TBC1D8: variants seen among roughly 807,000 people sequenced by gnomAD.
The protein encoded by TBC1D8 is BUB2-like protein 1.
A neutral mutation model predicts 118.8 loss-of-function variants in TBC1D8; 65 were observed. That is an observed-to-expected ratio of 0.55 (90% CI 0.45 to 0.67). The LOEUF (loss-of-function observed/expected upper bound fraction) is 0.67. Ranked by LOEUF, TBC1D8 falls within the 30% of genes least tolerant of loss-of-function variation. The pLI is 0.00. For synonymous variants in TBC1D8, 566 were observed against 595.8 expected (o/e 0.95, Z 0.73); for missense variants, 1,376 against 1,471.2 (o/e 0.94, Z 1.06).
At position 101,096,419 on chromosome 2, in the gene TBC1D8, C is replaced by CAAAAAAAAA. The variant is rs55824667; in HGVS notation, c.128-6064_128-6056dup. On this transcript the variant is annotated intron_variant, in intron 1 of 19. Transcript: ENST00000409318. ...CCAAAATATTATGTCTGGCTTTTGA[C>CAAAAAAAAA]AAAAAAAAAAAAAAAAAAAAAAAAA... Among the ~76,000 whole-genome samples, 5 of 43,730 alleles carry CAAAAAAAAA rather than the reference C, an allele frequency of 1.1e-4. 1 individual carries two copies. Among genetic ancestry groups the CAAAAAAAAA allele is most frequent in the Non-Finnish European group, 1.7e-4 (4 of 23,806 alleles). The allele number at this position is 43,730 out of a possible 152,430, so 28.7% of individuals were successfully genotyped here.
At chr2:101,149,109 CAA>C (rs1336851953) in intron 1 of TBC1D8, among the ~76,000 whole-genome samples, 1 of 152,204 alleles carries the variant, frequency 6.6e-6, no homozygotes, top group African/African-American at 2.4e-5. Context: ...AGAAATACAT[CAA>C]GTGTCCTCTT....
intron 1 of TBC1D8, among the ~76,000 whole-genome samples, chr2:101,104,328 C>A (rs1003740860): frequency 2.0e-5 from 3 of 152,142 alleles, no homozygotes; most frequent in Non-Finnish European, 4.4e-5. Flanking sequence ...CAATAAAAAT[C>A]CCACACACTA....
intron 2 of TBC1D8, among the ~76,000 whole-genome samples, chr2:101,060,818 T>C (rs550179489): frequency 2.0e-5 from 3 of 152,226 alleles, no homozygotes; most frequent in African/African-American, 7.2e-5. Flanking sequence ...TCAAAGAAAT[T>C]AGACAACAAC....
intron 1 of TBC1D8, among the ~76,000 whole-genome samples, chr2:101,133,284 T>A (rs1481171463): frequency 6.6e-6 from 1 of 152,096 alleles, no homozygotes; most frequent in Admixed American, 6.5e-5. Flanking sequence ...TCACATAGCA[T>A]ATTAGAATGA....
At chr2:101,014,385 T>TA (rs1679458887) in intron 17 of TBC1D8, among the ~76,000 whole-genome samples, 1 of 152,226 alleles carries the variant, frequency 6.6e-6, no homozygotes, top group Admixed American at 6.5e-5. Flanking sequence ...GCTTAACTGT[T>TA]AAACTGGAGC....
At chr2:101,122,087 T>G (rs1486473259) in intron 1 of TBC1D8, among the ~76,000 whole-genome samples, 1 of 150,024 alleles carries the variant, frequency 6.7e-6, no homozygotes, top group Non-Finnish European at 1.5e-5. Context: ...TTTTTTTTTT[T>G]TCTGAGATGG....
intron 1 of TBC1D8, 86 bp from the exon 2 acceptor site, chr2:101,090,450 G>T: frequency 7.0e-7 from 1 of 1,436,888 alleles, no homozygotes; most frequent in Non-Finnish European, 9.6e-7. Flanking sequence ...TCGCTGTCTG[G>T]ACTCCATGCT....
chr2:101,049,067 G>A (rs1046422920), intron 5 of TBC1D8, among the ~76,000 whole-genome samples: 7 of 152,050 alleles, frequency 4.6e-5, no homozygotes, highest in Admixed American at 1.3e-4. Flanking sequence ...CTGCAAACAC[G>A]GGCATACAAA....
chr2:101,054,672 C>CTTTTTTTT (rs34465252), intron 3 of TBC1D8, among the ~76,000 whole-genome samples: 11 of 25,430 alleles, frequency 4.3e-4, no homozygotes, highest in East Asian at 3.1e-3. Context: ...CTTTTCTTTT[C>CTTTTTTTT]TTTTTTTTTT....
At chr2:101,020,233 T>C (rs998481604) in intron 17 of TBC1D8, among the ~76,000 whole-genome samples, 1 of 152,192 alleles carries the variant, frequency 6.6e-6, no homozygotes, top group Non-Finnish European at 1.5e-5. Context: ...AAATAATGTT[T>C]GTTTTAAAAC....
intron 15 of TBC1D8, among the ~76,000 whole-genome samples, chr2:101,022,836 T>G (rs1001760370): frequency 2.6e-5 from 4 of 152,204 alleles, no homozygotes; most frequent in African/African-American, 9.6e-5. Context: ...TATTCTGATA[T>G]TTTCACTTAA....
chr2:101,037,610 C>A lies in TBC1D8; in HGVS notation c.1374G>T (p.Glu458Asp), dbSNP rs767840415. 1 of 1,613,770 alleles carries A rather than the reference C, an allele frequency of 6.2e-7. No individual in the cohort carries two copies. The highest frequency in any genetic ancestry group is 8.5e-7 in the Non-Finnish European group (1 of 1,179,904). The change falls in exon 8 of 20, where the codon GAG becomes GAT. Residue 458 changes from glutamate to aspartate, a missense_variant. Transcript: ENST00000409318. ...SSQNSEESEK[E>D]KSPLMHPDAL... is the part of the protein sequence containing the mutation. ...CATCGGGGTGCATCAGCGGGCTCTT[C>A]TCTTTCTCACTCTCCTCGCTATTTT...
intron 1 of TBC1D8, among the ~76,000 whole-genome samples, chr2:101,099,651 A>G (rs1250251433): frequency 2.6e-5 from 4 of 152,210 alleles, no homozygotes; most frequent in Non-Finnish European, 5.9e-5. Context: ...CACAGCAAAA[A>G]ACATATCCAC....
intron 8 of TBC1D8, among the ~76,000 whole-genome samples, chr2:101,036,445 A>T (rs1424178706): frequency 6.6e-6 from 1 of 151,914 alleles, no homozygotes; most frequent in African/African-American, 2.4e-5. Flanking sequence ...AGCAAGGCTG[A>T]TAACAAGGGT....
chr2:101,083,032 G>A (rs991968994), intron 2 of TBC1D8, among the ~76,000 whole-genome samples: 26 of 152,268 alleles, frequency 1.7e-4, no homozygotes, highest in Non-Finnish European at 3.5e-4. Flanking sequence ...GTGGTGAGCA[G>A]GTCCATGCCT....
At chr2:101,009,121 C>T (rs1199625324) in intron 19 of TBC1D8, among the ~76,000 whole-genome samples, 4 of 152,002 alleles carry the variant, frequency 2.6e-5, no homozygotes, top group Non-Finnish European at 4.4e-5. Flanking sequence ...TGGCCGGGTG[C>T]GGTGGCTCAT....
At chr2:101,023,721 T>A (rs1680179095) in intron 15 of TBC1D8, 1 of 375,058 alleles carries the variant, frequency 2.7e-6, no homozygotes, top group Non-Finnish European at 5.4e-6. Context: ...TCAGAATGCA[T>A]CATTTCCACC....
chr2:101,029,255 G>C (rs1473671945), intron 12 of TBC1D8, among the ~76,000 whole-genome samples: 1 of 152,290 alleles, frequency 6.6e-6, no homozygotes, highest in South Asian at 2.1e-4. Context: ...CGAGCATGGT[G>C]GTGGGTTCCT....
chr2:101,035,672 A>T (rs1490697825), intron 9 of TBC1D8, among the ~76,000 whole-genome samples: 1 of 152,188 alleles, frequency 6.6e-6, no homozygotes, highest in African/African-American at 2.4e-5. Flanking sequence ...TGTTTCATCT[A>T]CTTCAGAGCT....
Sources: gnomAD v4.1 joint callset for allele counts (sites outside exome capture counted in the v4.1 genomes callset) on GRCh38, gnomAD v4.1.1 for gene constraint, MANE v1.5 for transcripts, NCBI Gene and HGNC (gene_info 2026-07-23, HGNC 2026-07-21) for gene names.